ITGB5: variants seen among roughly 807,000 people sequenced by gnomAD.
ITGB5 encodes integrin beta-5.
ITGB5 carries 38 observed loss-of-function variants against 84.8 expected under a neutral mutation model. The observed-to-expected ratio is 0.45, with a 90% CI of 0.35 to 0.59. ITGB5 has a LOEUF of 0.59. ITGB5 is among the 20% of genes least tolerant of loss of function. The pLI is 0.01. For synonymous variants in ITGB5, 393 were observed against 414.4 expected (o/e 0.95, Z 0.63); for missense variants, 905 against 1,034.5 (o/e 0.87, Z 1.72).
intron 10 of ITGB5, among the ~76,000 whole-genome samples, chr3:124,795,667 G>T (rs990701054): frequency 1.3e-5 from 2 of 152,160 alleles, no homozygotes; most frequent in South Asian, 2.1e-4. Context: ...AGGGTCCCTT[G>T]TAACCACAAG....
At chr3:124,798,877 G>A (rs905303008) in intron 9 of ITGB5, among the ~76,000 whole-genome samples, 1 of 152,246 alleles carries the variant, frequency 6.6e-6, no homozygotes, top group African/African-American at 2.4e-5. Flanking sequence ...ATGGGACTGA[G>A]CAGGAGGATA....
intron 1 of ITGB5, among the ~76,000 whole-genome samples, chr3:124,885,589 G>T (rs531802231): frequency 6.6e-6 from 1 of 152,286 alleles, no homozygotes; most frequent in South Asian, 2.1e-4. Context: ...GAAAGTCCTT[G>T]TGGAGCAGGG....
chr3:124,813,665 G>A (rs1324180759), intron 8 of ITGB5, among the ~76,000 whole-genome samples: 1 of 152,216 alleles, frequency 6.6e-6, no homozygotes, highest in African/African-American at 2.4e-5. Context: ...AACAGGGCAA[G>A]GTGTGTGAGG....
At chr3:124,870,747 A>C (rs111982211) in intron 2 of ITGB5, among the ~76,000 whole-genome samples, 6 of 150,512 alleles carry the variant, frequency 4.0e-5, no homozygotes, top group East Asian at 1.9e-4. Context: ...AAAAAAAAAA[A>C]CCCCAGTGGA....
intron 1 of ITGB5, among the ~76,000 whole-genome samples, chr3:124,875,988 GGGTTGA>G (rs1934291949): frequency 6.6e-6 from 1 of 152,150 alleles, no homozygotes; most frequent in African/African-American, 2.4e-5. Context: ...ATGGCTGGTG[GGGTTGA>G]GGTGGGATGG....
At chr3:124,900,509 T>A (rs1350685957) in intron 1 of ITGB5, among the ~76,000 whole-genome samples, 1 of 152,220 alleles carries the variant, frequency 6.6e-6, no homozygotes, top group East Asian at 1.9e-4. Flanking sequence ...GGAAAAATGT[T>A]ACCAGGCCTG....
chr3:124,871,226 G>A (rs1265644), intron 2 of ITGB5, among the ~76,000 whole-genome samples: 28,303 of 151,344 alleles, frequency 0.19, 2,751 homozygotes, highest in Admixed American at 0.21. Flanking sequence ...ACAGAGTCTC[G>A]CCCTGTTGCC....
chr3:124,781,745 C>A (rs1408978351), intron 10 of ITGB5, among the ~76,000 whole-genome samples: 1 of 152,206 alleles, frequency 6.6e-6, no homozygotes, highest in Non-Finnish European at 1.5e-5. Context: ...GAAAGCACAG[C>A]TCTCCCTTGC....
chr3:124,830,988 G>A (rs115037086), intron 5 of ITGB5, among the ~76,000 whole-genome samples: 124 of 151,908 alleles, frequency 8.2e-4, no homozygotes, highest in African/African-American at 2.8e-3. Context: ...CATCTCAAAC[G>A]AACAACAACA....
At chr3:124,784,115 T>C (rs1482573129) in intron 10 of ITGB5, among the ~76,000 whole-genome samples, 1 of 152,246 alleles carries the variant, frequency 6.6e-6, no homozygotes, top group African/African-American at 2.4e-5. Context: ...ATTAACTTTC[T>C]GAGATGATGG....
intron 11 of ITGB5, among the ~76,000 whole-genome samples, 193 bp downstream of exon 11, chr3:124,773,497 C>G (rs1213508892): frequency 6.6e-6 from 1 of 152,174 alleles, no homozygotes; most frequent in African/African-American, 2.4e-5. Flanking sequence ...TCTTACAAAA[C>G]CCTTATGGAA....
chr3:124,816,144 C>G (rs1470845868), intron 8 of ITGB5, among the ~76,000 whole-genome samples: 3 of 152,126 alleles, frequency 2.0e-5, no homozygotes. Context: ...AAAAACAAGC[C>G]AAAAATCCTC....
chr3:124,794,877 A>G (rs2064199578), intron 10 of ITGB5, among the ~76,000 whole-genome samples: 2 of 152,130 alleles, frequency 1.3e-5, no homozygotes, highest in South Asian at 4.2e-4. Flanking sequence ...AGAAAATAAA[A>G]AAAGGTGAAT....
chr3:124,772,131 T>G (rs2063854791), intron 11 of ITGB5, among the ~76,000 whole-genome samples: 2 of 152,232 alleles, frequency 1.3e-5, no homozygotes, highest in African/African-American at 4.8e-5. Flanking sequence ...GACTCTGTGC[T>G]GGGATGGCCA....
At chr3:124,896,152 T>C (rs1378074715) in intron 1 of ITGB5, among the ~76,000 whole-genome samples, 1 of 152,232 alleles carries the variant, frequency 6.6e-6, no homozygotes, top group African/African-American at 2.4e-5. Context: ...GGGTGGACTC[T>C]AAAAATGATC....
intron 4 of ITGB5, 55 bp from the exon 5 acceptor site, chr3:124,841,606 C>A (rs552978817): frequency 1.3e-6 from 2 of 1,574,810 alleles, no homozygotes; most frequent in African/African-American, 1.3e-5. Context: ...AAATCTTAAC[C>A]AAGTGTTCTG....
intron 2 of ITGB5, among the ~76,000 whole-genome samples, chr3:124,867,389 G>A (rs1327871189): frequency 3.3e-5 from 5 of 152,154 alleles, no homozygotes; most frequent in Admixed American, 1.3e-4. Context: ...ACGGAGCCTC[G>A]TATTCACACC....
intron 5 of ITGB5, among the ~76,000 whole-genome samples, chr3:124,835,810 C>G (rs191497384): frequency 8.5e-5 from 13 of 152,298 alleles, no homozygotes; most frequent in African/African-American, 2.4e-4. Context: ...TCTGCAGGAA[C>G]TGGGAGCTGG....
chr3:124,772,549 G>T (rs2063861791), intron 11 of ITGB5, among the ~76,000 whole-genome samples: 1 of 152,242 alleles, frequency 6.6e-6, no homozygotes, highest in South Asian at 2.1e-4. Flanking sequence ...TTTGTATTAT[G>T]ATTTGTTTCT....
Sources: gnomAD v4.1 joint callset for allele counts (sites outside exome capture counted in the v4.1 genomes callset) on GRCh38, gnomAD v4.1.1 for gene constraint, MANE v1.5 for transcripts, NCBI Gene and HGNC (gene_info 2026-07-23, HGNC 2026-07-21) for gene names.